GABRB1: variants seen among roughly 807,000 people sequenced by gnomAD.
GABRB1 encodes gamma-aminobutyric acid type A receptor subunit beta1.
A neutral mutation model predicts 51.6 loss-of-function variants in GABRB1; 17 were observed. The observed-to-expected ratio is 0.33, with a 90% CI of 0.23 to 0.49. The LOEUF (loss-of-function observed/expected upper bound fraction) is 0.49. Among genes scored for constraint, GABRB1 ranks in the 20% least tolerant of loss-of-function variants. The pLI is 0.99. For synonymous variants in GABRB1, 247 were observed against 218.9 expected (o/e 1.13, Z -1.14); for missense variants, 410 against 600.6 (o/e 0.68, Z 3.32).
At chr4:47,026,890 C>A (rs1455296321), upstream of GABRB1, among the ~76,000 whole-genome samples, 2 of 151,944 alleles carry the variant, frequency 1.3e-5, no homozygotes, top group African/African-American at 4.8e-5. Flanking sequence ...AGAATGTAAA[C>A]TGTCATTAGA....
intron 3 of GABRB1, among the ~76,000 whole-genome samples, chr4:47,060,877 T>A (rs1473294670): frequency 6.6e-6 from 1 of 152,228 alleles, no homozygotes; most frequent in East Asian, 1.9e-4. Context: ...ATTGGTTGGA[T>A]AAATTATACT....
At chr4:47,001,060 G>A (rs185040914) in intron 1 of GABRB1, among the ~76,000 whole-genome samples, 89 of 152,254 alleles carry the variant, frequency 5.8e-4, no homozygotes, top group African/African-American at 2.1e-3. Flanking sequence ...ATGGTGTGAT[G>A]GTTAACTTTG....
chr4:47,079,152 T>C (rs1210811860), intron 3 of GABRB1, among the ~76,000 whole-genome samples: 1 of 152,122 alleles, frequency 6.6e-6, no homozygotes, highest in Non-Finnish European at 1.5e-5. Context: ...GGATTCCCTC[T>C]TTTTCTATTG....
chr4:47,015,233 T>C (rs1372341090), intron 1 of GABRB1, among the ~76,000 whole-genome samples: 1 of 152,184 alleles, frequency 6.6e-6, no homozygotes, highest in African/African-American at 2.4e-5. Flanking sequence ...ATGATGGGTC[T>C]ATAAATGAGA....
At chr4:47,042,101 T>A (rs765538266) in intron 3 of GABRB1, among the ~76,000 whole-genome samples, 1 of 152,036 alleles carries the variant, frequency 6.6e-6, no homozygotes, top group Non-Finnish European at 1.5e-5. Flanking sequence ...AGAATTATAT[T>A]CTTCATATTC....
At chr4:47,060,903 C>A (rs1251171935) in intron 3 of GABRB1, among the ~76,000 whole-genome samples, 1 of 152,104 alleles carries the variant, frequency 6.6e-6, no homozygotes, top group African/African-American at 2.4e-5. Context: ...TCATTTTAAG[C>A]ATTTTTCTGC....
intron 4 of GABRB1, among the ~76,000 whole-genome samples, chr4:47,309,792 C>T (rs1310482150): frequency 6.6e-6 from 1 of 151,860 alleles, no homozygotes; most frequent in East Asian, 1.9e-4. Flanking sequence ...GTCATTTTTT[C>T]TCTCATCTAT....
intron 3 of GABRB1, among the ~76,000 whole-genome samples, chr4:47,147,691 A>G (rs1007757931): frequency 2.0e-5 from 3 of 152,170 alleles, no homozygotes; most frequent in South Asian, 2.1e-4. Context: ...TCCATTTCCA[A>G]TCTAAGGCCT....
At chr4:47,061,677 T>C (rs1159688346) in intron 3 of GABRB1, among the ~76,000 whole-genome samples, 1 of 152,208 alleles carries the variant, frequency 6.6e-6, no homozygotes, top group Non-Finnish European at 1.5e-5. Context: ...AGAAGCTATA[T>C]TGAAAGCATC....
At chr4:47,135,920 C>A (rs961776183) in intron 3 of GABRB1, among the ~76,000 whole-genome samples, 7 of 152,214 alleles carry the variant, frequency 4.6e-5, no homozygotes, top group Non-Finnish European at 1.0e-4. Context: ...GTAATAGCTT[C>A]TTCTCTCTTC....
intron 3 of GABRB1, among the ~76,000 whole-genome samples, chr4:47,158,243 G>C (rs550209858): frequency 6.2e-4 from 95 of 152,038 alleles, no homozygotes; most frequent in African/African-American, 2.3e-3. Flanking sequence ...TATTAATATA[G>C]CATTTATCAT....
intron 5 of GABRB1, among the ~76,000 whole-genome samples, chr4:47,327,572 CT>C (rs1725305128): frequency 6.6e-6 from 1 of 152,144 alleles, no homozygotes; most frequent in South Asian, 2.1e-4. Context: ...AAAGGTAACA[CT>C]TAGTGACACC....
chr4:47,184,323 G>A (rs959280332), intron 4 of GABRB1, among the ~76,000 whole-genome samples: 1 of 151,834 alleles, frequency 6.6e-6, no homozygotes, highest in East Asian at 1.9e-4. Flanking sequence ...AGATTACCGA[G>A]GACAAAGGCT....
intron 3 of GABRB1, among the ~76,000 whole-genome samples, chr4:47,159,672 C>G (rs1394629909): frequency 6.6e-6 from 1 of 151,898 alleles, no homozygotes; most frequent in Non-Finnish European, 1.5e-5. Context: ...TATAAATGTT[C>G]TTCAATATGG....
intron 4 of GABRB1, among the ~76,000 whole-genome samples, chr4:47,292,299 A>G (rs968982067): frequency 6.6e-6 from 1 of 152,220 alleles, no homozygotes; most frequent in Non-Finnish European, 1.5e-5. Flanking sequence ...CTGTAAGTCC[A>G]ATAAACCTCT....
At chr4:47,352,894 T>C (rs1383265955) in intron 5 of GABRB1, among the ~76,000 whole-genome samples, 1 of 152,220 alleles carries the variant, frequency 6.6e-6, no homozygotes, top group Non-Finnish European at 1.5e-5. Context: ...CAGTGTTTTT[T>C]AGTTAAGCAA....
chr4:47,011,177 T>C (rs551818614), intron 1 of GABRB1, among the ~76,000 whole-genome samples: 3 of 152,206 alleles, frequency 2.0e-5, no homozygotes, highest in African/African-American at 7.2e-5. Context: ...TGGGAAACAT[T>C]AGCAGAAAAA....
At chr4:47,349,573 C>G (rs1181596954) in intron 5 of GABRB1, among the ~76,000 whole-genome samples, 1 of 152,198 alleles carries the variant, frequency 6.6e-6, no homozygotes, top group Non-Finnish European at 1.5e-5. Flanking sequence ...CCTGCTCCAT[C>G]AGCCTGAGAC....
chr4:47,288,305 C>A lies in GABRB1; in HGVS notation c.462-31822C>A, dbSNP rs896681916. On this transcript the variant is annotated intron_variant, in intron 4 of 8. Transcript: ENST00000295454. ...TAAGATGGAGTCTCACTCTGTCGCC[C>A]AGGCTGGAGTGCAGTGGCGCGATCT... Among the ~76,000 whole-genome samples, 4 of 151,816 alleles carry A rather than the reference C, an allele frequency of 2.6e-5. No homozygotes were observed. In the South Asian group the frequency reaches 8.3e-4, roughly 32 times the overall value.
Sources: gnomAD v4.1 joint callset for allele counts (sites outside exome capture counted in the v4.1 genomes callset) on GRCh38, gnomAD v4.1.1 for gene constraint, MANE v1.5 for transcripts, NCBI Gene and HGNC (gene_info 2026-07-23, HGNC 2026-07-21) for gene names.